The following MAST2 variants were observed in gnomAD, a reference collection of about 807,000 sequenced individuals.
MAST2 encodes the protein microtubule-associated serine/threonine-protein kinase 2.
In MAST2, 70 loss-of-function variants were observed where a neutral mutation model predicts 147.4. That is an observed-to-expected ratio of 0.47 (90% CI 0.39 to 0.58). The LOEUF is 0.58. MAST2 is among the 20% of genes least tolerant of loss of function. The pLI, the probability that MAST2 is intolerant of heterozygous loss-of-function variation, is 0.00. For missense variants in MAST2, 2,080 were observed against 2,302.3 expected (o/e 0.90, Z 1.98); for synonymous variants, 869 against 896.8 (o/e 0.97, Z 0.55).
intron 4 of MAST2, among the ~76,000 whole-genome samples, chr1:45,900,173 C>CAAAAAAAA (rs59051138): frequency 0.062 from 3,348 of 53,934 alleles, 400 homozygotes; most frequent in Middle Eastern, 0.09. Context: ...CTCTCTCTCT[C>CAAAAAAAA]AAAAAAAAAA....
At chr1:45,877,088 G>A (rs928248559) in intron 3 of MAST2, among the ~76,000 whole-genome samples, 1 of 152,104 alleles carries the variant, frequency 6.6e-6, no homozygotes, top group African/African-American at 2.4e-5. Context: ...ACCACAGATT[G>A]GATCATTTAT....
intron 11 of MAST2, among the ~76,000 whole-genome samples, chr1:46,020,177 G>A (rs1646126562): frequency 6.6e-6 from 1 of 152,210 alleles, no homozygotes; most frequent in South Asian, 2.1e-4. Flanking sequence ...ACTGCAAGAA[G>A]TGTTGCAGTT....
intron 5 of MAST2, among the ~76,000 whole-genome samples, chr1:45,989,633 A>G (rs563675765): frequency 6.6e-6 from 1 of 152,228 alleles, no homozygotes; most frequent in East Asian, 1.9e-4. Context: ...TCTAGGTTAT[A>G]AAGTTCTGTA....
At chr1:45,887,326 AC>A (rs1647140221) in intron 4 of MAST2, among the ~76,000 whole-genome samples, 1 of 152,228 alleles carries the variant, frequency 6.6e-6, no homozygotes, top group African/African-American at 2.4e-5. Context: ...AATTGAGATA[AC>A]AGACTGTAGG....
At position 46,001,011 on chromosome 1, in the gene MAST2, G is replaced by C. The variant is rs934513570; in HGVS notation, c.669-1794G>C. ...GCGGGTATAATGGGGAGAGGGGCTG[G>C]GAAACTGCTATGCATGGCCAGACAA... On this transcript the variant is annotated intron_variant, in intron 6 of 28. Transcript: ENST00000361297. 7.0e-6 allele frequency: 9 copies of C among 1,286,328 alleles called. No homozygotes were observed. In the Admixed American group the frequency reaches 1.8e-4, roughly 26 times the overall value. 79.7% of individuals were successfully genotyped at this position (1,286,328 alleles called of 1,614,324 possible).
intron 4 of MAST2, among the ~76,000 whole-genome samples, chr1:45,930,391 T>TTTTTGTTTTG (rs59192448): frequency 0.52 from 76,014 of 147,018 alleles, 20,215 homozygotes; most frequent in Non-Finnish European, 0.57. Context: ...TTTTTTGTTT[T>TTTTTGTTTTG]TTTTGTTTTG....
At chr1:45,814,041 A>G (rs1365559817) in intron 1 of MAST2, among the ~76,000 whole-genome samples, 5 of 152,246 alleles carry the variant, frequency 3.3e-5, no homozygotes, top group African/African-American at 7.2e-5. Context: ...TTACATGTTC[A>G]TGGTAATGCC....
chr1:46,007,496 G>A (rs1456804185), intron 8 of MAST2, among the ~76,000 whole-genome samples: 1 of 152,172 alleles, frequency 6.6e-6, no homozygotes, highest in Non-Finnish European at 1.5e-5. Context: ...AGAAATCCAT[G>A]CTATATTACT....
At chr1:45,942,310 T>C (rs1356306428) in intron 4 of MAST2, among the ~76,000 whole-genome samples, 1 of 152,212 alleles carries the variant, frequency 6.6e-6, no homozygotes, top group African/African-American at 2.4e-5. Context: ...TCTTTTATTC[T>C]ATTTTCCAGC....
intron 3 of MAST2, among the ~76,000 whole-genome samples, chr1:45,851,908 G>A (rs769710347): frequency 7.9e-5 from 12 of 152,030 alleles, no homozygotes; most frequent in Non-Finnish European, 1.6e-4. Context: ...AAAGTAACAT[G>A]CATTTATAGG....
At chr1:46,022,510 G>A (rs1228971609) in intron 12 of MAST2, among the ~76,000 whole-genome samples, 1 of 152,180 alleles carries the variant, frequency 6.6e-6, no homozygotes, top group Non-Finnish European at 1.5e-5. Context: ...AACCCCTGCA[G>A]CAACCATGGG....
In MAST2 at chr1:46,029,507, G is replaced by A. The variant is rs1646549788; in HGVS notation, c.2260G>A (p.Asp754Asn). ...TGAGGGTGATGAGGCACTGCCCCCA[G>A]ACGCCCAGGACCTCACCTCCAAACT... The part of the protein sequence containing the change: ...WPEGDEALPP[D>N]AQDLTSKLLH... The change falls in exon 19 of 29, where the codon GAC becomes AAC. Residue 754 changes from aspartate to asparagine, a missense_variant. Asp to Asn is a conservative substitution (Grantham distance 23). Around this residue, in one of 4 missense-constraint regions of MAST2, gnomAD observed 209 missense variants for 309.5 expected, o/e 0.68. Transcript: ENST00000361297. 1.9e-6 allele frequency: 3 copies of A among 1,614,118 alleles called. No individual in the cohort carries two copies. The highest frequency in any genetic ancestry group is 2.5e-6 in the Non-Finnish European group (3 of 1,179,986).
intron 3 of MAST2, among the ~76,000 whole-genome samples, chr1:45,848,155 G>A (rs1029621784): frequency 2.0e-5 from 3 of 150,428 alleles, no homozygotes; most frequent in Non-Finnish European, 3.0e-5. Flanking sequence ...TTAAGAGATA[G>A]CAATGTTAAG....
At chr1:45,962,146 A>G (rs1172525326) in intron 5 of MAST2, among the ~76,000 whole-genome samples, 1 of 152,120 alleles carries the variant, frequency 6.6e-6, no homozygotes, top group Non-Finnish European at 1.5e-5. Context: ...TATATGTGCC[A>G]CATTTTCTTA....
intron 3 of MAST2, among the ~76,000 whole-genome samples, chr1:45,837,141 C>T (rs1171092252): frequency 6.6e-6 from 1 of 151,850 alleles, no homozygotes; most frequent in Non-Finnish European, 1.5e-5. Context: ...AGGCCATGGA[C>T]CTGGTATAGA....
intron 4 of MAST2, among the ~76,000 whole-genome samples, chr1:45,927,931 T>G (rs1309145776): frequency 1.3e-5 from 2 of 152,228 alleles, no homozygotes; most frequent in Non-Finnish European, 2.9e-5. Flanking sequence ...ACAATCCATG[T>G]TCTTCTGCCA....
intron 4 of MAST2, among the ~76,000 whole-genome samples, chr1:45,901,706 GT>G (rs1649798940): frequency 6.6e-6 from 1 of 151,990 alleles, no homozygotes; most frequent in Admixed American, 6.6e-5. Flanking sequence ...CATCTTCTTG[GT>G]TAAATGTATT....
Position 46,004,683 on chromosome 1 carries a change from G to A in MAST2, c.748-1558G>A, listed in dbSNP as rs547505712. On this transcript the variant is annotated intron_variant, in intron 7 of 28. Coordinates refer to ENST00000361297, the MANE Select transcript of MAST2 (RefSeq NM_015112.3). Reference sequence around the variant, plus strand: ...ATTATAGCATTCTATGAGAGAAAATGTGCACTGTTAGCAAAAAAGAAATGC... The same window carrying A: ...ATTATAGCATTCTATGAGAGAAAATATGCACTGTTAGCAAAAAAGAAATGC... Among the ~76,000 whole-genome samples the A allele has an allele frequency of 4.5e-4, 69 of 152,334 alleles. 1 individual carries two copies. In the South Asian group the frequency reaches 0.013, roughly 29 times the overall value.
chr1:45,809,966 G>T (rs537970117), intron 1 of MAST2, among the ~76,000 whole-genome samples: 1 of 152,316 alleles, frequency 6.6e-6, no homozygotes, highest in Non-Finnish European at 1.5e-5. Flanking sequence ...TTTGCTGAAT[G>T]AAAGGATGAA....
Sources: gnomAD v4.1 joint callset for allele counts (sites outside exome capture counted in the v4.1 genomes callset) on GRCh38, gnomAD v4.1.1 for gene constraint, gnomAD v4.1.1 regional missense constraint, MANE v1.5 for transcripts, NCBI Gene and HGNC (gene_info 2026-07-23, HGNC 2026-07-21) for gene names.